Variants in COPS2 observed in about 807,000 individuals in gnomAD.
COPS2 encodes COP9 signalosome subunit 2.
COPS2 carries 10 observed loss-of-function variants against 66.1 expected under a neutral mutation model. That is an observed-to-expected ratio of 0.15 (90% CI 0.09 to 0.26). The LOEUF (loss-of-function observed/expected upper bound fraction) is 0.26, where lower values mean the gene tolerates loss of function less well. COPS2 is among the 10% of genes least tolerant of loss of function. The probability of loss-of-function intolerance (pLI) is 1.00; values close to 1 mark genes in which losing one functional copy is unlikely to be tolerated. For synonymous variants in COPS2, 179 were observed against 171.3 expected (o/e 1.04, Z -0.35); for missense variants, 215 against 513.3 (o/e 0.42, Z 5.62).
intron 3 of COPS2, among the ~76,000 whole-genome samples, chr15:49,140,160 A>ATTTC: frequency 7.2e-6 from 1 of 138,670 alleles, no homozygotes; most frequent in South Asian, 2.3e-4. Context: ...CTAATTTTGT[A>ATTTC]TTTTTTTTTT....
At chr15:49,137,002 A>G (rs748098247) in intron 6 of COPS2, 148 bp downstream of exon 6, 17 of 618,592 alleles carry the variant, frequency 2.7e-5, no homozygotes, top group Non-Finnish European at 3.8e-5. Flanking sequence ...CAAAAAAAAA[A>G]AGATAATTTT....
Position 49,143,353 on chromosome 15 carries a change from C to A in COPS2, c.246+874G>T, listed in dbSNP as rs566621689. Among the ~76,000 whole-genome samples, 101 of 152,262 alleles carry A rather than the reference C, an allele frequency of 6.6e-4. 3 individuals carry two copies. The South Asian group carries it at 0.02, about 31-fold the overall frequency. ...CAAAAGAATGGCATAATCTGACTTA[C>A]ATTTTAAAAGGATCACTCTGCTACT... On this transcript the variant is annotated intron_variant, in intron 3 of 12. Coordinates refer to ENST00000388901, the MANE Select transcript of COPS2 (RefSeq NM_004236.4).
intron 1 of COPS2, among the ~76,000 whole-genome samples, chr15:49,146,270 C>T (rs1222768908): frequency 6.6e-6 from 1 of 152,078 alleles, no homozygotes; most frequent in Non-Finnish European, 1.5e-5. Context: ...ACCTGGAATT[C>T]CATTCTGTTT....
At chr15:49,135,533 C>T (rs2084244723) in intron 6 of COPS2, among the ~76,000 whole-genome samples, 1 of 152,174 alleles carries the variant, frequency 6.6e-6, no homozygotes. Flanking sequence ...AGGGACTAAC[C>T]TTCCTGGAGG....
At chr15:49,130,385 T>G (rs922489383) in intron 10 of COPS2, among the ~76,000 whole-genome samples, 1 of 152,162 alleles carries the variant, frequency 6.6e-6, no homozygotes, top group Non-Finnish European at 1.5e-5. Context: ...TTGTTATTTG[T>G]CAAAAATAAA....
chr15:49,133,914 A>G lies in COPS2; in HGVS notation c.894+16T>C, dbSNP rs764943983. The G allele has an allele frequency of 5.7e-6, 9 of 1,586,018 alleles. No individual in the cohort carries two copies. In the South Asian group the frequency reaches 1.0e-4, roughly 18 times the overall value. ...AGATAGCTGATAAGAGAAATTAACA[A>G]TTAAAACACACGTACCTCCTGTGAG... On this transcript the variant is annotated intron_variant, in intron 8 of 12. Transcript: ENST00000388901.
At chr15:49,137,027 A>G in intron 6 of COPS2, 123 bp downstream of exon 6, 2 of 667,150 alleles carry the variant, frequency 3.0e-6, no homozygotes, top group South Asian at 2.2e-5. Context: ...CTTATTTTCT[A>G]AATTTTATTT....
intron 1 of COPS2, among the ~76,000 whole-genome samples, chr15:49,155,173 G>A (rs1176007325): frequency 6.6e-6 from 1 of 152,264 alleles, no homozygotes; most frequent in African/African-American, 2.4e-5. Context: ...GGCAAAGCCA[G>A]GGCCTACACC....
intron 1 of COPS2, among the ~76,000 whole-genome samples, chr15:49,149,731 G>C (rs2084345545): frequency 6.6e-6 from 1 of 152,158 alleles, no homozygotes; most frequent in Non-Finnish European, 1.5e-5. Context: ...ACCGCCAATA[G>C]AAGTCCTAAG....
chr15:49,155,065 G>A (rs901727289), intron 1 of COPS2, among the ~76,000 whole-genome samples: 9 of 152,238 alleles, frequency 5.9e-5, no homozygotes, highest in African/African-American at 2.2e-4. Context: ...AGGCCTGGGA[G>A]CAGTAAGGAC....
intron 6 of COPS2, among the ~76,000 whole-genome samples, chr15:49,135,987 T>C (rs1353577206): frequency 6.6e-6 from 1 of 152,244 alleles, no homozygotes; most frequent in Non-Finnish European, 1.5e-5. Flanking sequence ...CATAGGGAAC[T>C]GAACCTCCAG....
At chr15:49,141,644 C>G (rs918887937) in intron 3 of COPS2, among the ~76,000 whole-genome samples, 2 of 152,138 alleles carry the variant, frequency 1.3e-5, no homozygotes, top group Non-Finnish European at 2.9e-5. Flanking sequence ...GTGAACCCTT[C>G]CAACTTTTTA....
chr15:49,136,631 A>G (rs1196361643), intron 6 of COPS2, among the ~76,000 whole-genome samples: 1 of 152,166 alleles, frequency 6.6e-6, no homozygotes, highest in Non-Finnish European at 1.5e-5. Context: ...ACATATCAAT[A>G]TAATAGTAAG....
intron 1 of COPS2, among the ~76,000 whole-genome samples, chr15:49,152,210 AT>A (rs1265828851): frequency 6.6e-6 from 1 of 151,652 alleles, no homozygotes; most frequent in Non-Finnish European, 1.5e-5. Context: ...CAAAATAACT[AT>A]TTTAAAAAAA....
chr15:49,152,163 A>T (rs1416345609), intron 1 of COPS2, among the ~76,000 whole-genome samples: 3 of 149,126 alleles, frequency 2.0e-5, no homozygotes, highest in Non-Finnish European at 4.5e-5. Context: ...TTTTTTAAAT[A>T]CTAAGAAACA....
intron 9 of COPS2, 53 bp downstream of exon 9, chr15:49,133,701 TCTTTC>T: frequency 8.1e-6 from 10 of 1,230,502 alleles, no homozygotes; most frequent in East Asian, 2.4e-5. Flanking sequence ...GTTTTCTCAC[TCTTTC>T]CTTTATGAAC....
chr15:49,130,564 A>G (rs1025242090), intron 10 of COPS2, among the ~76,000 whole-genome samples, 155 bp downstream of exon 10: 1 of 152,178 alleles, frequency 6.6e-6, no homozygotes, highest in Admixed American at 6.5e-5. Flanking sequence ...TCATAATTTT[A>G]AGGAATATCC....
At chr15:49,134,291 C>T in intron 7 of COPS2, 49 bp downstream of exon 7, 1 of 1,569,322 alleles carries the variant, frequency 6.4e-7, no homozygotes, top group Non-Finnish European at 8.6e-7. Flanking sequence ...TAATTAAACA[C>T]TTTGATATCT....
At chr15:49,132,705 A>G (rs1442601062) in intron 9 of COPS2, among the ~76,000 whole-genome samples, 1 of 151,998 alleles carries the variant, frequency 6.6e-6, no homozygotes, top group Non-Finnish European at 1.5e-5. Flanking sequence ...TTTTTTAATG[A>G]ATAAAACCCA....
Sources: allele counts gnomAD v4.1 joint callset (sites outside exome capture counted in the v4.1 genomes callset), GRCh38; gene constraint gnomAD v4.1.1; transcripts MANE v1.5; gene names NCBI Gene and HGNC (gene_info 2026-07-23, HGNC 2026-07-21).